Variants in TLCD4 observed in about 807,000 individuals in gnomAD.
TLCD4 encodes TLC domain-containing protein 4.
In TLCD4, 7 loss-of-function variants were observed where a neutral mutation model predicts 24.2. The ratio of observed to expected loss-of-function variants is 0.29; its 90% CI spans 0.16 to 0.54. TLCD4 has a LOEUF of 0.54. Ranked by LOEUF, TLCD4 falls within the 20% of genes least tolerant of loss-of-function variation. TLCD4 has a pLI of 0.95. For missense variants in TLCD4, 259 were observed against 313.9 expected (o/e 0.82, Z 1.32); for synonymous variants, 103 against 106.4 (o/e 0.97, Z 0.20).
At chr1:95,135,266 T>C (rs35575248) in intron 1 of TLCD4, among the ~76,000 whole-genome samples, 13,437 of 152,188 alleles carry the variant, frequency 0.088, 665 homozygotes, top group African/African-American at 0.11. Context: ...CCCTCCCAGC[T>C]CTTCTTTTAC....
chr1:95,171,189 T>A (rs1678206817), intron 5 of TLCD4, among the ~76,000 whole-genome samples: 1 of 152,212 alleles, frequency 6.6e-6, no homozygotes, highest in Admixed American at 6.5e-5. Context: ...TAGGCTCAAG[T>A]GATCCTCTTG....
chr1:95,104,806 T>C, the TLCD4 span, among the ~76,000 whole-genome samples: 2 of 151,798 alleles, frequency 1.3e-5, no homozygotes, highest in Non-Finnish European at 2.9e-5. Context: ...GGTGGGTGAA[T>C]TTCTTGAGCT....
At chr1:95,099,431 A>T in the TLCD4 span, among the ~76,000 whole-genome samples, 1 of 152,042 alleles carries the variant, frequency 6.6e-6, no homozygotes, top group African/African-American at 2.4e-5. Context: ...CACTCTGTAC[A>T]CTCTACACAT....
intron 5 of TLCD4, among the ~76,000 whole-genome samples, chr1:95,160,862 A>G (rs1291447166): frequency 6.6e-6 from 1 of 152,228 alleles, no homozygotes; most frequent in African/African-American, 2.4e-5. Context: ...CAACTTGATC[A>G]TGGTGGATAA....
At chr1:95,111,321 AAAAAAAG>A in the TLCD4 span, among the ~76,000 whole-genome samples, 11 of 138,368 alleles carry the variant, frequency 7.9e-5, no homozygotes, top group African/African-American at 1.6e-4. Context: ...AACAAAACAA[AAAAAAAG>A]AAAAGAAAAG....
At chr1:95,107,769 T>G in the TLCD4 span, among the ~76,000 whole-genome samples, 1 of 152,216 alleles carries the variant, frequency 6.6e-6, no homozygotes, top group Non-Finnish European at 1.5e-5. Context: ...GCAGGAATTT[T>G]TATATGCTGA....
chr1:95,134,847 A>G (rs1445144257), intron 1 of TLCD4, among the ~76,000 whole-genome samples: 2 of 152,232 alleles, frequency 1.3e-5, no homozygotes, highest in South Asian at 4.1e-4. Flanking sequence ...GACTAGGTGC[A>G]CACCATATGC....
At chr1:95,183,340 T>TG (rs1470097032) in intron 6 of TLCD4, among the ~76,000 whole-genome samples, 1 of 152,130 alleles carries the variant, frequency 6.6e-6, no homozygotes, top group South Asian at 2.1e-4. Flanking sequence ...CAGAGAAATG[T>TG]GCCCATCAAA....
At chr1:95,118,851 G>T (rs1676501303) in intron 1 of TLCD4, among the ~76,000 whole-genome samples, 1 of 152,202 alleles carries the variant, frequency 6.6e-6, no homozygotes, top group South Asian at 2.1e-4. Context: ...AAATATGAAA[G>T]AATGGGTGAA....
chr1:95,136,505 A>G (rs1677044711), intron 1 of TLCD4, among the ~76,000 whole-genome samples: 1 of 152,230 alleles, frequency 6.6e-6, no homozygotes, highest in Admixed American at 6.5e-5. Context: ...GCTTAAGTAA[A>G]CATACAAATA....
At chr1:95,094,849 G>A in the TLCD4 span, among the ~76,000 whole-genome samples, 24 of 152,138 alleles carry the variant, frequency 1.6e-4, no homozygotes, top group African/African-American at 5.3e-4. Flanking sequence ...CTCCCTTATC[G>A]CCTATCCTGG....
rs1263352916 is a variant in TLCD4 at position 95,137,911 on chromosome 1, A to G, written c.-11-5980A>G. Among the ~76,000 whole-genome samples, 9 of 151,748 alleles carry G rather than the reference A, an allele frequency of 5.9e-5. 1 individual carries two copies. In the South Asian group the frequency reaches 6.3e-4, roughly 11 times the overall value. On this transcript the variant is annotated intron_variant, in intron 1 of 6. Coordinates refer to ENST00000370203, the MANE Select transcript of TLCD4 (RefSeq NM_152487.3). ...GCTACTACACCCAGCTAATTTTTCT[A>G]TTTTTTGTAGAGACGGGGTCTTGTT...
In TLCD4 at chr1:95,145,156, G is replaced by A. The variant is rs369605819; in HGVS notation, c.155+1100G>A. On this transcript the variant is annotated intron_variant, in intron 2 of 6. Transcript: ENST00000370203. ...TAAACCTCAGTGAGTCAGAGCAGCC[G>A]TGGCCTTATTTTTTGTTGTTGCTAT... is the stretch of plus-strand genomic sequence containing the variant. Among the ~76,000 whole-genome samples the A allele has an allele frequency of 4.2e-4, 64 of 152,286 alleles. 2 individuals are homozygous for A. The South Asian group carries it at 9.9e-3, about 24-fold the overall frequency.
chr1:95,130,725 G>A (rs1318210798), intron 1 of TLCD4, among the ~76,000 whole-genome samples: 3 of 152,194 alleles, frequency 2.0e-5, no homozygotes, highest in African/African-American at 7.2e-5. Flanking sequence ...ACTACTGGTG[G>A]TGGTAAATAA....
At chr1:95,184,192 A>G (rs541999026) in intron 6 of TLCD4, among the ~76,000 whole-genome samples, 1 of 152,270 alleles carries the variant, frequency 6.6e-6, no homozygotes, top group Admixed American at 6.5e-5. Context: ...GTTACTCACA[A>G]CAGCACTTCT....
At chr1:95,111,811 T>C in the TLCD4 span, among the ~76,000 whole-genome samples, 1 of 152,158 alleles carries the variant, frequency 6.6e-6, no homozygotes, top group Non-Finnish European at 1.5e-5. Flanking sequence ...CCTGCACTCA[T>C]GCCCTCCACC....
the TLCD4 span, among the ~76,000 whole-genome samples, chr1:95,099,691 T>G: frequency 6.6e-6 from 1 of 152,194 alleles, no homozygotes; most frequent in African/African-American, 2.4e-5. Flanking sequence ...ACAATGATGA[T>G]GATGACAACA....
upstream of TLCD4, among the ~76,000 whole-genome samples, chr1:95,115,088 T>TTATATATATATATA: frequency 7.0e-6 from 1 of 143,836 alleles, no homozygotes; most frequent in African/African-American, 2.5e-5. Flanking sequence ...TATATACACA[T>TTATATATATATATA]TATATATATA....
At chr1:95,146,176 G>C (rs1480884066) in intron 2 of TLCD4, among the ~76,000 whole-genome samples, 1 of 151,596 alleles carries the variant, frequency 6.6e-6, no homozygotes, top group East Asian at 1.9e-4. Flanking sequence ...AAGAAATGGA[G>C]GAGAAAAAAT....
Sources: allele counts gnomAD v4.1 joint callset (sites outside exome capture counted in the v4.1 genomes callset), GRCh38; gene constraint gnomAD v4.1.1; transcripts MANE v1.5; gene names NCBI Gene and HGNC (gene_info 2026-07-23, HGNC 2026-07-21).